KLRD1: variants seen among roughly 807,000 people sequenced by gnomAD.
The protein encoded by KLRD1 is natural killer cells antigen CD94.
In KLRD1, 21 loss-of-function variants were observed where a neutral mutation model predicts 22.6. That is an observed-to-expected ratio of 0.93 (90% CI 0.66 to 1.34). The LOEUF is 1.34. Among genes scored for constraint, KLRD1 ranks in the 40% most tolerant of loss-of-function variants. The pLI is 0.00. For missense variants in KLRD1, 183 were observed against 208.6 expected, an observed-to-expected ratio of 0.88 and a Z score of 0.76; for synonymous variants, 59 against 71.1, an observed-to-expected ratio of 0.83 and a Z score of 0.85.
In KLRD1 at chr12:10,257,104, A is replaced by G. The variant is rs1447250825; in HGVS notation, c.-101+30871A>G. On this transcript the variant is annotated intron_variant, in intron 1 of 5. Transcript: ENST00000544747. ...CAAGGAGCCCTTGTTTGTGACAAATATTTTCTTGTTTTGTTTTGTTTTTTC... is the reference window on the plus strand; with the variant it reads ...CAAGGAGCCCTTGTTTGTGACAAATGTTTTCTTGTTTTGTTTTGTTTTTTC... 1.9e-5 allele frequency among the ~76,000 whole-genome samples: 2 copies of G among 106,794 alleles called. 1 individual carries two copies. The highest frequency in any genetic ancestry group is 3.9e-5 in the Non-Finnish European group (2 of 51,020). 70.1% of individuals were successfully genotyped at this position (106,794 alleles called of 152,430 possible).
intron 1 of KLRD1, among the ~76,000 whole-genome samples, chr12:10,257,226 A>G (rs1207306897): frequency 2.7e-5 from 3 of 112,878 alleles, no homozygotes; most frequent in Non-Finnish European, 1.8e-5. Context: ...CTTTTCATTT[A>G]TGCTACTTGG....
chr12:10,277,388 G>C (rs553412504), intron 1 of KLRD1, among the ~76,000 whole-genome samples: 2 of 151,932 alleles, frequency 1.3e-5, no homozygotes, highest in Non-Finnish European at 2.9e-5. Context: ...TTTATTATAG[G>C]GGAGAACTTA....
intron 1 of KLRD1, among the ~76,000 whole-genome samples, chr12:10,260,977 ATTTT>A (rs34182647): frequency 2.0e-5 from 3 of 148,968 alleles, no homozygotes; most frequent in South Asian, 2.1e-4. Context: ...AAAAAAAAAA[ATTTT>A]TTTGAGGTAA....
intron 1 of KLRD1, among the ~76,000 whole-genome samples, chr12:10,298,734 C>A (rs916958502): frequency 3.3e-5 from 5 of 152,212 alleles, no homozygotes; most frequent in African/African-American, 1.2e-4. Flanking sequence ...ACTAGCCAGA[C>A]CCATCGCTTT....
upstream of KLRD1, among the ~76,000 whole-genome samples, chr12:10,307,567 T>G (rs936457980): frequency 6.6e-6 from 1 of 152,198 alleles, no homozygotes; most frequent in Non-Finnish European, 1.5e-5. Context: ...TGCTTTAAAT[T>G]GTGTTAAGTA....
At chr12:10,287,597 CAG>C (rs1245834104) in intron 1 of KLRD1, among the ~76,000 whole-genome samples, 2 of 152,020 alleles carry the variant, frequency 1.3e-5, no homozygotes, top group Non-Finnish European at 2.9e-5. Context: ...TATATATAAA[CAG>C]ATACTTTTAC....
rs913371856 is a variant in KLRD1, at chr12:10,325,258, G to A, written c.*10465G>A. On this transcript the variant is annotated 3_prime_UTR_variant, in exon 6 of 6. Coordinates refer to ENST00000336164, the MANE Select transcript of KLRD1 (RefSeq NM_002262.5). ...TTTATTAAATGTTTTATTCTGCCTC[G>A]ATTGAAATCAGATAGTTTTTATTTC... 4.6e-5 allele frequency: 7 copies of A among 151,948 alleles called. No individual in the cohort carries two copies. The highest frequency in any genetic ancestry group is 2.1e-4 in the South Asian group (1 of 4,826). 9.4% of individuals were successfully genotyped at this position (151,948 alleles called of 1,614,324 possible). A position where few individuals can be genotyped will look rare whatever the true frequency, so the allele number is the denominator to read the frequency against.
Position 10,307,899 on chromosome 12 carries a change from AGAT to A in KLRD1, c.-175_-173del. The A allele has an allele frequency of 1.6e-6, 1 of 615,728 alleles. No homozygotes were observed. Among genetic ancestry groups the A allele is most frequent in the Non-Finnish European group, 2.9e-6 (1 of 344,030 alleles). The allele number at this position is 615,728 out of a possible 1,614,324, so 38.1% of individuals were successfully genotyped here. On this transcript the variant is annotated 5_prime_UTR_variant, in exon 1 of 6. It removes an upstream start codon present in the reference 5' UTR. Transcript: ENST00000336164. ...ACACTATAATACATGTCTCACCAAT[AGAT>A]GATTCAAGAACATCATTTAAATACA...
intron 5 of KLRD1, among the ~76,000 whole-genome samples, chr12:10,313,925 G>A (rs2617144): frequency 6.6e-6 from 1 of 152,058 alleles, no homozygotes; most frequent in Non-Finnish European, 1.5e-5. Context: ...CATTTGAAAG[G>A]TATTATATTT....
intron 1 of KLRD1, among the ~76,000 whole-genome samples, chr12:10,254,849 C>T (rs377476372): frequency 1.5e-5 from 2 of 132,910 alleles, no homozygotes; most frequent in South Asian, 2.4e-4. Context: ...GCTGAGATTG[C>T]GCTACCGCAC....
intron 1 of KLRD1, among the ~76,000 whole-genome samples, chr12:10,251,866 C>G (rs941182053): frequency 6.6e-6 from 1 of 152,018 alleles, no homozygotes; most frequent in African/African-American, 2.4e-5. Flanking sequence ...GTGGTAATGC[C>G]AGCAATGGGG....
At chr12:10,284,421 G>A (rs1279522069) in intron 1 of KLRD1, among the ~76,000 whole-genome samples, 1 of 152,134 alleles carries the variant, frequency 6.6e-6, no homozygotes, top group Non-Finnish European at 1.5e-5. Context: ...TGACACAGGA[G>A]ATAAGTCCCC....
intron 1 of KLRD1, among the ~76,000 whole-genome samples, chr12:10,251,761 A>G (rs1949348447): frequency 6.6e-6 from 1 of 152,010 alleles, no homozygotes; most frequent in Non-Finnish European, 1.5e-5. Flanking sequence ...TAAGAAGCAC[A>G]CAACCTAGAT....
chr12:10,250,104 T>C (rs1054751583), intron 1 of KLRD1, among the ~76,000 whole-genome samples: 2 of 151,994 alleles, frequency 1.3e-5, no homozygotes, highest in Non-Finnish European at 1.5e-5. Context: ...TCTATCCTGG[T>C]GCGTTAGGCT....
In KLRD1 at chr12:10,244,889, T is replaced by C. The variant is rs184263755; in HGVS notation, c.-101+18656T>C. On this transcript the variant is annotated intron_variant, in intron 1 of 5. Coordinates refer to the KLRD1 transcript ENST00000544747. ...GTAGAGTGGTAATGCAGTACTGATTTAATTTAAATATAACCTATATTGATG... is the reference window on the plus strand; with the variant it reads ...GTAGAGTGGTAATGCAGTACTGATTCAATTTAAATATAACCTATATTGATG... Among the ~76,000 whole-genome samples, 287 of 152,334 alleles carry C rather than the reference T, an allele frequency of 1.9e-3. 1 individual carries two copies. The highest frequency in any genetic ancestry group is 2.1e-3 in the Non-Finnish European group (142 of 68,034).
At chr12:10,266,492 GATA>G (rs1473601332) in intron 1 of KLRD1, among the ~76,000 whole-genome samples, 1 of 151,728 alleles carries the variant, frequency 6.6e-6, no homozygotes, top group Non-Finnish European at 1.5e-5. Context: ...TTATACTTTT[GATA>G]ATATTATATG....
At chr12:10,255,193 CAA>C (rs1949383931) in intron 1 of KLRD1, among the ~76,000 whole-genome samples, 1 of 152,156 alleles carries the variant, frequency 6.6e-6, no homozygotes, top group African/African-American at 2.4e-5. Flanking sequence ...GGAGATTCCT[CAA>C]AGAGCTAAAC....
chr12:10,265,993 C>CA lies in KLRD1; in HGVS notation c.-101+39766dup, dbSNP rs532310121. Among the ~76,000 whole-genome samples the CA allele has an allele frequency of 3.7e-3, 562 of 152,168 alleles. 2 individuals carry two copies. Among genetic ancestry groups the CA allele is most frequent in the African/African-American group, 0.012 (508 of 41,532 alleles). Reference sequence around the variant, plus strand: ...GTCCCTCTGACACTATTTATATCAGCAAAAAAGATCACTGTAAAATGCTGT... The same window carrying CA: ...GTCCCTCTGACACTATTTATATCAGCAAAAAAAGATCACTGTAAAATGCTGT... On this transcript the variant is annotated intron_variant, in intron 1 of 5. Coordinates refer to the KLRD1 transcript ENST00000544747.
upstream of KLRD1, among the ~76,000 whole-genome samples, chr12:10,300,260 G>GTATTTCTT (rs913779341): frequency 2.9e-4 from 44 of 152,138 alleles, no homozygotes; most frequent in Admixed American, 2.1e-3. Flanking sequence ...CTTACAAAAT[G>GTATTTCTT]TATTTCTTAA....
Sources: gnomAD v4.1 joint callset for allele counts (sites outside exome capture counted in the v4.1 genomes callset) on GRCh38, gnomAD v4.1.1 for gene constraint, MANE v1.5 for transcripts, NCBI Gene and HGNC (gene_info 2026-07-23, HGNC 2026-07-21) for gene names.